The following MALRD1 variants were observed in gnomAD, a reference collection of about 807,000 sequenced individuals.
MALRD1 encodes the protein MAM and LDL-receptor class A domain-containing protein 1.
MALRD1 carries 247 observed loss-of-function variants against 242.1 expected under a neutral mutation model. The ratio of observed to expected loss-of-function variants is 1.02; its 90% CI spans 0.92 to 1.13. The LOEUF (loss-of-function observed/expected upper bound fraction) is 1.13. Among genes scored for constraint, MALRD1 ranks in the 50% most tolerant of loss-of-function variants. The pLI is 0.00. For missense variants in MALRD1, 2,989 were observed against 2,533.1 expected, an observed-to-expected ratio of 1.18 and a Z score of -3.86; for synonymous variants, 995 against 866.6, an observed-to-expected ratio of 1.15 and a Z score of -2.60.
At chr10:19,106,275 C>G (rs776198193) in intron 5 of MALRD1, among the ~76,000 whole-genome samples, 32 of 151,600 alleles carry the variant, frequency 2.1e-4, no homozygotes, top group Non-Finnish European at 3.5e-4. Context: ...TAAATGTTTG[C>G]TAGAATTTAG....
intron 11 of MALRD1, 62 bp from the exon 12 acceptor site, chr10:19,155,013 C>A: frequency 1.1e-6 from 1 of 921,232 alleles, no homozygotes; most frequent in Non-Finnish European, 1.4e-6. Context: ...GATTGTGGAG[C>A]AAAGAACAGC....
intron 38 of MALRD1, among the ~76,000 whole-genome samples, chr10:19,723,680 T>C (rs1287360193): frequency 6.6e-6 from 1 of 150,930 alleles, no homozygotes; most frequent in African/African-American, 2.4e-5. Context: ...AGTTCAAGGC[T>C]GCAGTGAGCT....
chr10:19,528,080 T>A (rs1457997877), intron 31 of MALRD1, among the ~76,000 whole-genome samples: 1 of 152,192 alleles, frequency 6.6e-6, no homozygotes, highest in Admixed American at 6.5e-5. Flanking sequence ...TGGAACAAAA[T>A]GTGAAACTTA....
chr10:19,467,709 A>G (rs1238390664), intron 29 of MALRD1, among the ~76,000 whole-genome samples: 1 of 149,296 alleles, frequency 6.7e-6, no homozygotes, highest in Non-Finnish European at 1.5e-5. Context: ...TTTTTGTCTA[A>G]CAACGTTTTT....
intron 21 of MALRD1, among the ~76,000 whole-genome samples, chr10:19,304,573 T>C (rs958179588): frequency 1.3e-5 from 2 of 151,800 alleles, no homozygotes; most frequent in African/African-American, 2.4e-5. Flanking sequence ...AATTTATCAA[T>C]GTCAACAAAA....
intron 23 of MALRD1, among the ~76,000 whole-genome samples, chr10:19,330,687 T>C (rs1177078853): frequency 6.6e-6 from 1 of 152,200 alleles, no homozygotes; most frequent in Non-Finnish European, 1.5e-5. Flanking sequence ...GAAGATGGAA[T>C]TTGTAAAAGC....
At chr10:19,599,597 T>A (rs1838257838) in intron 34 of MALRD1, among the ~76,000 whole-genome samples, 1 of 152,186 alleles carries the variant, frequency 6.6e-6, no homozygotes, top group African/African-American at 2.4e-5. Flanking sequence ...GTTGTGTCAG[T>A]CAATATCCTG....
At chr10:19,589,457 G>A (rs1302428613) in intron 33 of MALRD1, among the ~76,000 whole-genome samples, 1 of 152,156 alleles carries the variant, frequency 6.6e-6, no homozygotes, top group Non-Finnish European at 1.5e-5. Flanking sequence ...AATGGCATGA[G>A]ATACGCTTTA....
intron 29 of MALRD1, chr10:19,491,298 A>T (rs1362091914): frequency 1.4e-6 from 1 of 700,742 alleles, no homozygotes; most frequent in African/African-American, 1.8e-5. Context: ...CAGCACCATC[A>T]AAGTGCATAA....
intron 21 of MALRD1, among the ~76,000 whole-genome samples, chr10:19,323,504 G>A (rs747690164): frequency 1.3e-5 from 2 of 152,134 alleles, no homozygotes; most frequent in Non-Finnish European, 2.9e-5. Context: ...TATTATTTCT[G>A]ATGAAGATAA....
chr10:19,565,778 A>C (rs1754714831), intron 32 of MALRD1, among the ~76,000 whole-genome samples: 1 of 152,194 alleles, frequency 6.6e-6, no homozygotes, highest in Non-Finnish European at 1.5e-5. Flanking sequence ...CAACATTAAA[A>C]GTAATTTTTT....
chr10:19,432,633 AG>A, intron 28 of MALRD1, among the ~76,000 whole-genome samples: 1 of 152,338 alleles, frequency 6.6e-6, no homozygotes, highest in East Asian at 1.9e-4. Context: ...ATAGGAAGAC[AG>A]ACAATGAACA....
chr10:19,161,520 T>A (rs1387991337), intron 12 of MALRD1, among the ~76,000 whole-genome samples: 4 of 45,696 alleles, frequency 8.8e-5, no homozygotes, highest in Non-Finnish European at 4.3e-5. Context: ...AATAAATAAA[T>A]AAATATAATA....
intron 29 of MALRD1, among the ~76,000 whole-genome samples, chr10:19,457,132 T>C (rs1835702513): frequency 1.3e-5 from 2 of 152,138 alleles, no homozygotes; most frequent in Non-Finnish European, 2.9e-5. Context: ...AAAATTGAAA[T>C]AGCTAGATGT....
intron 36 of MALRD1, among the ~76,000 whole-genome samples, chr10:19,630,903 A>T (rs560443795): frequency 6.6e-6 from 1 of 152,304 alleles, no homozygotes; most frequent in East Asian, 1.9e-4. Context: ...TAAATTAGTC[A>T]TTCATTGGCT....
Position 19,422,067 on chromosome 10 carries a change from C to A in MALRD1, c.4846-28240C>A, listed in dbSNP as rs564136704. On this transcript the variant is annotated intron_variant, in intron 28 of 39. Coordinates refer to ENST00000454679, the MANE Select transcript of MALRD1 (RefSeq NM_001142308.3). The stretch of plus-strand genomic sequence containing the variant: ...TGATAAAGATGCTAGTGCAGAAAAA[C>A]AGCATTTTTTCCAGGAAGACATTTT... 3.3e-5 allele frequency among the ~76,000 whole-genome samples: 5 copies of A among 152,298 alleles called. No individual in the cohort carries two copies. The South Asian group carries it at 6.2e-4, about 19-fold the overall frequency.
chr10:19,141,014 C>T (rs1414067566), intron 10 of MALRD1, among the ~76,000 whole-genome samples: 2 of 152,042 alleles, frequency 1.3e-5, no homozygotes, highest in Admixed American at 6.6e-5. Flanking sequence ...CCTTTCACTA[C>T]GTATATGTAT....
intron 19 of MALRD1, among the ~76,000 whole-genome samples, chr10:19,268,729 A>C (rs1032356847): frequency 6.6e-6 from 1 of 152,304 alleles, no homozygotes; most frequent in East Asian, 1.9e-4. Context: ...TTGCTTAATT[A>C]TCAATGTGGG....
At chr10:19,340,184 GT>G (rs1843783060) in intron 24 of MALRD1, among the ~76,000 whole-genome samples, 1 of 152,112 alleles carries the variant, frequency 6.6e-6, no homozygotes, top group African/African-American at 2.4e-5. Flanking sequence ...TACATAAGAT[GT>G]TTTGATACAG....
Sources: gnomAD v4.1 joint callset for allele counts (sites outside exome capture counted in the v4.1 genomes callset) on GRCh38, gnomAD v4.1.1 for gene constraint, MANE v1.5 for transcripts, NCBI Gene and HGNC (gene_info 2026-07-23, HGNC 2026-07-21) for gene names.